MROH2A: variants seen among roughly 807,000 people sequenced by gnomAD.
MROH2A encodes the protein maestro heat-like repeat-containing protein family member 2A.
Under a neutral mutation model 200.4 loss-of-function variants are expected in MROH2A, and 174 were observed. The observed-to-expected ratio is 0.87, with a 90% CI of 0.77 to 0.98. The LOEUF (loss-of-function observed/expected upper bound fraction) is 0.98. MROH2A is among the 50% of genes least tolerant of loss of function. The pLI, the probability that MROH2A is intolerant of heterozygous loss-of-function variation, is 0.00. For missense variants in MROH2A, 2,045 were observed against 2,139.6 expected, an observed-to-expected ratio of 0.96 and a Z score of 0.87; for synonymous variants, 829 against 840.4, an observed-to-expected ratio of 0.99 and a Z score of 0.23.
At position 233,807,846 on chromosome 2, in the gene MROH2A, T is replaced by C. The variant is rs1702906169; in HGVS notation, c.2286T>C (p.Ser762=). ...IQESEQSWQI[S]AWRKDHPWRR... ...AGTCAGAGCAGTCCTGGCAGATCAG[T>C]GCTTGGCGGGTAAGCCACCTTCCCT... Residue 762 remains serine (S), a synonymous_variant, in exon 21 of 42, where the codon AGT becomes AGC. Transcript: ENST00000389758. This position sits in a 1 kb window ranked among gnomAD's most constrained non-coding sequence, Gnocchi z 4.3. 2.6e-6 allele frequency: 4 copies of C among 1,550,988 alleles called. No homozygotes were observed. The highest frequency in any genetic ancestry group is 3.5e-6 in the Non-Finnish European group (4 of 1,147,086).
intron 24 of MROH2A, among the ~76,000 whole-genome samples, chr2:233,813,271 AGCTGCTGCTGCT>A (rs895511669): frequency 1.3e-5 from 2 of 151,908 alleles, no homozygotes; most frequent in Non-Finnish European, 2.9e-5. Flanking sequence ...TCCAAGGTGA[AGCTGCTGCTGCT>A]GCTGCTGCTG....
chr2:233,832,064 A>T (rs1704795575), intron 39 of MROH2A, 113 bp from the exon 40 acceptor site: 1 of 807,886 alleles, frequency 1.2e-6, no homozygotes, highest in Admixed American at 2.4e-5. Flanking sequence ...TGACGCTGGG[A>T]TGGGCGCTTG....
chr2:233,804,289 A>C (rs1702656482), intron 17 of MROH2A, 97 bp downstream of exon 17: 2 of 1,491,094 alleles, frequency 1.3e-6, no homozygotes, highest in East Asian at 5.0e-5. Flanking sequence ...GCTGAGGCTC[A>C]CAGTTGACCC....
In MROH2A at chr2:233,828,684, C is replaced by G. The variant is rs1304825701; in HGVS notation, c.4168C>G (p.Leu1390Val). 1.3e-6 allele frequency: 2 copies of G among 1,550,620 alleles called. No individual in the cohort carries two copies. The highest frequency in any genetic ancestry group is 1.7e-6 in the Non-Finnish European group (2 of 1,147,026). ...QEKLLKPAAL[L>V]LEKGADQEED... Reference sequence around the variant, plus strand: ...GAAGCTGCTGAAGCCGGCAGCTTTGCTGCTGGAGAAGGGTGCCGACCAGGA... The same window carrying G: ...GAAGCTGCTGAAGCCGGCAGCTTTGGTGCTGGAGAAGGGTGCCGACCAGGA... The change falls in exon 36 of 42, where the codon CTG becomes GTG. Residue 1390 changes from leucine (L) to valine (V), a missense_variant. Coordinates refer to ENST00000389758, the MANE Select transcript of MROH2A (RefSeq NM_001394639.1). This position sits in a 1 kb window ranked among gnomAD's most constrained non-coding sequence, Gnocchi z 4.6.
rs758419550 is a variant in MROH2A at position 233,828,161 on chromosome 2, T to C, written c.4114-469T>C. Among the ~76,000 whole-genome samples, 11 of 152,214 alleles carry C rather than the reference T, an allele frequency of 7.2e-5. No individual in the cohort carries two copies. Among genetic ancestry groups the C allele is most frequent in the Non-Finnish European group, 1.0e-4 (7 of 68,040 alleles). On this transcript the variant is annotated intron_variant, in intron 35 of 41. Transcript: ENST00000389758. This position sits in a 1 kb window ranked among gnomAD's most constrained non-coding sequence, Gnocchi z 4.6. ...ATTTGGTGTTTAGTTTTCAGGCCTC[T>C]TTCAAACATACTCAGGTACTTGCAT...
chr2:233,800,134 G>A (rs1702365070), intron 13 of MROH2A, 71 bp from the exon 14 acceptor site: 3 of 1,198,848 alleles, frequency 2.5e-6, no homozygotes, highest in South Asian at 2.9e-5. Context: ...GGGGAGTGAG[G>A]AGACCACACC....
chr2:233,780,665 T>C (rs940489255), intron 3 of MROH2A, among the ~76,000 whole-genome samples: 1 of 152,252 alleles, frequency 6.6e-6, no homozygotes, highest in Admixed American at 6.5e-5. Flanking sequence ...ATATATACAA[T>C]GTGTAATGAC....
chr2:233,793,250 G>A (rs143489527), intron 6 of MROH2A, among the ~76,000 whole-genome samples: 196 of 152,316 alleles, frequency 1.3e-3, no homozygotes, highest in African/African-American at 4.6e-3. Context: ...GGAGCTTGAC[G>A]GGGACTGGTC....
At chr2:233,798,906 C>G in intron 12 of MROH2A, 56 bp downstream of exon 12, 1 of 1,413,240 alleles carries the variant, frequency 7.1e-7, no homozygotes. Context: ...GCCAGGGAGG[C>G]AAAGGGAAGT....
In MROH2A at chr2:233,828,858, G is replaced by C; in HGVS notation, c.4264-32G>C. On this transcript the variant is annotated intron_variant, in intron 36 of 41. Coordinates refer to ENST00000389758, the MANE Select transcript of MROH2A (RefSeq NM_001394639.1). This position sits in a 1 kb window ranked among gnomAD's most constrained non-coding sequence, Gnocchi z 4.6. The stretch of plus-strand genomic sequence containing the variant: ...TGCCCTGGTCAGCCTGGGAGGGAGG[G>C]TGCAGGCTGAGGGCTGCCCATGCCC... 6.5e-7 allele frequency: 1 copy of C among 1,550,146 alleles called. No homozygotes were observed. The highest frequency in any genetic ancestry group is 2.4e-5 in the East Asian group (1 of 40,912).
chr2:233,783,412 C>T (rs975849484), intron 3 of MROH2A, among the ~76,000 whole-genome samples: 4 of 152,082 alleles, frequency 2.6e-5, no homozygotes, highest in Non-Finnish European at 4.4e-5. Flanking sequence ...ACTGGTTCAT[C>T]GGAGTTTTCT....
rs945832974 is a variant in MROH2A at position 233,829,733 on chromosome 2, C to G, written c.4560C>G (p.Pro1520=). 6.8e-7 allele frequency: 1 copy of G among 1,473,294 alleles called. No individual in the cohort carries two copies. 91.3% of individuals were successfully genotyped at this position (1,473,294 alleles called of 1,614,324 possible). A position where few individuals can be genotyped will look rare whatever the true frequency, so the allele number is the denominator to read the frequency against. ...GGGAGGTGAAGAAGGCCTGGATCCC[C>G]CTCATGCTGCACTCCCAGGACCCCT... ...FKGEVKKAWI[P]LMLHSQDPCS... The change falls in exon 38 of 42, where the codon CCC becomes CCG. Residue 1520 remains proline, a synonymous_variant. Transcript: ENST00000389758.
At position 233,821,359 on chromosome 2, in the gene MROH2A, G is replaced by A. The variant is rs144318678; in HGVS notation, c.3513-765G>A. Among the ~76,000 whole-genome samples the A allele has an allele frequency of 1.2e-3, 178 of 150,932 alleles. 2 individuals carry two copies. Among genetic ancestry groups the A allele is most frequent in the African/African-American group, 4.2e-3 (171 of 41,120 alleles). On this transcript the variant is annotated intron_variant, in intron 31 of 41. Transcript: ENST00000389758. ...CAGAGGGTGCTGATGAGTGCACTCT[G>A]CCCCCTCTCCATTTACTCCTGCCCC...
In MROH2A at chr2:233,809,243, G is replaced by A. The variant is rs567484824; in HGVS notation, c.2413G>A (p.Ala805Thr). ...LLNLVDSPIT[A>T]KIIHHYVSSC... ...CAACCTCGTGGACAGCCCCATCACC[G>A]CTAAGATCATTCACCATTATGTCAG... is the stretch of plus-strand genomic sequence containing the variant. The change falls in exon 22 of 42, where the codon GCT becomes ACT. Residue 805 changes from alanine (A) to threonine (T), a missense_variant. Transcript: ENST00000389758. 855 of 1,550,514 alleles carry A rather than the reference G, an allele frequency of 5.5e-4. No homozygotes were observed. Among genetic ancestry groups the A allele is most frequent in the Non-Finnish European group, 6.7e-4 (766 of 1,146,940 alleles).
chr2:233,793,777 A>G lies in MROH2A; in HGVS notation c.775A>G (p.Met259Val), dbSNP rs928423700. The part of the protein sequence containing the change: ...EEEFALKVFP[M>V]YRYFVTVWLR... ...GGAGTTTGCCCTGAAGGTGTTCCCC[A>G]TGTATCGCTACTTCGTGACAGTGTG... is the stretch of plus-strand genomic sequence containing the variant. Residue 259 changes from methionine to valine, a missense_variant, in exon 7 of 42, where the codon ATG becomes GTG. Met to Val is a conservative substitution (Grantham distance 21). Transcript: ENST00000389758. 8 of 1,490,128 alleles carry G rather than the reference A, an allele frequency of 5.4e-6. No individual in the cohort carries two copies. Among genetic ancestry groups the G allele is most frequent in the Non-Finnish European group, 7.2e-6 (8 of 1,117,470 alleles). 92.3% of individuals were successfully genotyped at this position (1,490,128 alleles called of 1,614,324 possible).
Position 233,829,712 on chromosome 2 carries a change from G to T in MROH2A, c.4539G>T (p.Glu1513Asp). 6.7e-7 allele frequency: 1 copy of T among 1,493,272 alleles called. No homozygotes were observed. The highest frequency in any genetic ancestry group is 1.3e-5 in the South Asian group (1 of 75,558). 92.5% of individuals were successfully genotyped at this position (1,493,272 alleles called of 1,614,324 possible). A position where few individuals can be genotyped will look rare whatever the true frequency, so the allele number is the denominator to read the frequency against. The change falls in exon 38 of 42, where the codon GAG becomes GAT. Residue 1513 changes from glutamate (E) to aspartate (D), a missense_variant. This residue lies in a region of MROH2A where 1,201 missense variants were observed against 1,311.3 expected (regional missense o/e 0.92). Coordinates refer to ENST00000389758, the MANE Select transcript of MROH2A (RefSeq NM_001394639.1). ...GMSKKHFFKG[E>D]VKKAWIPLML... The stretch of plus-strand genomic sequence containing the variant: ...CCAAGAAGCATTTCTTCAAAGGGGA[G>T]GTGAAGAAGGCCTGGATCCCCCTCA...
At chr2:233,801,151 A>C (rs1278432264) in intron 14 of MROH2A, among the ~76,000 whole-genome samples, 2 of 152,248 alleles carry the variant, frequency 1.3e-5, no homozygotes, top group African/African-American at 4.8e-5. Context: ...TCAAGGCCTC[A>C]TATCTGGTAA....
rs980459434 is a variant in MROH2A at position 233,833,047 on chromosome 2, C to T, written c.4904-91C>T. The T allele has an allele frequency of 9.8e-5, 139 of 1,424,864 alleles. No homozygotes were observed. The African/African-American group carries it at 1.7e-3, about 17-fold the overall frequency. 88.3% of individuals were successfully genotyped at this position (1,424,864 alleles called of 1,614,324 possible). On this transcript the variant is annotated intron_variant, in intron 41 of 41. Transcript: ENST00000389758. Reference sequence around the variant, plus strand: ...CCCGTCTGCCCCTGCCCACCTTCTGCGGCCCTTGCCTGCCATCACTGCCCA... The same window carrying T: ...CCCGTCTGCCCCTGCCCACCTTCTGTGGCCCTTGCCTGCCATCACTGCCCA...
At chr2:233,823,419 C>A in intron 34 of MROH2A, 137 bp from the exon 35 acceptor site, 1 of 1,083,536 alleles carries the variant, frequency 9.2e-7, no homozygotes, top group Non-Finnish European at 1.3e-6. Context: ...AGGGAGAAAC[C>A]CAGAGATGTT....
Sources: allele counts gnomAD v4.1 joint callset (sites outside exome capture counted in the v4.1 genomes callset), GRCh38; gene constraint gnomAD v4.1.1; regional missense constraint gnomAD v4.1.1; non-coding constraint Gnocchi (gnomAD v3.1); transcripts MANE v1.5; gene names NCBI Gene and HGNC (gene_info 2026-07-23, HGNC 2026-07-21).